CDK5RAP2: variants seen among roughly 807,000 people sequenced by gnomAD.
CDK5RAP2 encodes CDK5 regulatory subunit associated protein 2, also known as CDK5 regulatory subunit-associated protein 2.
Under a neutral mutation model 232.9 loss-of-function variants are expected in CDK5RAP2, and 147 were observed. The observed-to-expected ratio is 0.63, with a 90% CI of 0.55 to 0.72. The LOEUF is 0.72. Ranked by LOEUF, CDK5RAP2 falls within the 30% of genes least tolerant of loss-of-function variation. The pLI, the probability that CDK5RAP2 is intolerant of heterozygous loss-of-function variation, is 0.00. For missense variants in CDK5RAP2, 2,195 were observed against 2,231.5 expected, an observed-to-expected ratio of 0.98 and a Z score of 0.33; for synonymous variants, 833 against 833.7, an observed-to-expected ratio of 1.00 and a Z score of 0.01.
rs1031968690 is a variant in CDK5RAP2 at position 120,514,299 on chromosome 9, C to T, written c.1311+4128G>A. The stretch of plus-strand genomic sequence containing the variant: ...CCCAGTGCCCTGAAACAAAATACCA[C>T]TTTTTCTGGGTACCCGCTCATCCCC... On this transcript the variant is annotated intron_variant, in intron 12 of 37. Transcript: ENST00000349780. 2.0e-5 allele frequency among the ~76,000 whole-genome samples: 3 copies of T among 152,106 alleles called. No homozygotes were observed. The East Asian group carries it at 5.8e-4, about 29-fold the overall frequency.
intron 21 of CDK5RAP2, among the ~76,000 whole-genome samples, chr9:120,452,354 G>C (rs550769719): frequency 6.6e-6 from 1 of 151,290 alleles, no homozygotes; most frequent in South Asian, 2.1e-4. Flanking sequence ...AAGCAATTTT[G>C]CTAATGATAT....
intron 3 of CDK5RAP2, among the ~76,000 whole-genome samples, chr9:120,565,307 C>A (rs902053360): frequency 1.3e-5 from 2 of 152,124 alleles, no homozygotes; most frequent in African/African-American, 4.8e-5. Flanking sequence ...GCCCTTAGCT[C>A]CACATTCCTC....
chr9:120,415,973 C>A (rs974666490), intron 27 of CDK5RAP2, among the ~76,000 whole-genome samples: 2 of 151,908 alleles, frequency 1.3e-5, no homozygotes, highest in African/African-American at 2.4e-5. Flanking sequence ...GACTATATAT[C>A]ATAAAAAATA....
chr9:120,513,021 T>C (rs1463005878), intron 12 of CDK5RAP2, among the ~76,000 whole-genome samples: 3 of 152,184 alleles, frequency 2.0e-5, no homozygotes, highest in African/African-American at 4.8e-5. Flanking sequence ...ACGTTTTCTT[T>C]ATCCTACCTG....
intron 31 of CDK5RAP2, 163 bp downstream of exon 31, chr9:120,408,184 C>A (rs1361126012): frequency 3.6e-6 from 3 of 832,674 alleles, no homozygotes; most frequent in Non-Finnish European, 6.1e-6. Flanking sequence ...GCTGTTCCTT[C>A]AGAAGAAGAG....
chr9:120,446,206 A>G (rs1162981067), intron 22 of CDK5RAP2, among the ~76,000 whole-genome samples: 1 of 152,172 alleles, frequency 6.6e-6, no homozygotes, highest in East Asian at 1.9e-4. Flanking sequence ...TTTTATTTCC[A>G]AAAACAGGAA....
At chr9:120,495,738 A>G (rs1439404208) in intron 12 of CDK5RAP2, among the ~76,000 whole-genome samples, 27 of 64,120 alleles carry the variant, frequency 4.2e-4, no homozygotes, top group African/African-American at 1.4e-3. Flanking sequence ...CAGCCGTGCC[A>G]TCCGGGAGGG....
In CDK5RAP2 at chr9:120,402,815, C is replaced by T. The variant is rs768628011; in HGVS notation, c.5298G>A (p.Leu1766=). The T allele has an allele frequency of 6.2e-7, 1 of 1,613,990 alleles. No individual in the cohort carries two copies. The highest frequency in any genetic ancestry group is 1.7e-5 in the Admixed American group (1 of 60,010). The change falls in exon 34 of 38, where the codon CTG becomes CTA. Residue 1766 remains leucine, a synonymous_variant. Transcript: ENST00000349780. ...TCTGTGGTCAGGTTACCTTTGTTCC[C>T]AGCTCTTGACTTGTGGAGCTGGGAG... ...QEAPSSTSQE[L]GTKGPHPAPL...
At chr9:120,550,606 T>A (rs760683428) in intron 4 of CDK5RAP2, among the ~76,000 whole-genome samples, 186 bp downstream of exon 4, 3 of 152,244 alleles carry the variant, frequency 2.0e-5, no homozygotes, top group African/African-American at 7.2e-5. Flanking sequence ...TTCTTAAAAT[T>A]AATCATGTAC....
chr9:120,391,198 AGAT>A (rs2031938288), intron 36 of CDK5RAP2, among the ~76,000 whole-genome samples: 1 of 152,174 alleles, frequency 6.6e-6, no homozygotes, highest in South Asian at 2.1e-4. Flanking sequence ...TGGAGGTTGA[AGAT>A]GATTGTGAAA....
intron 18 of CDK5RAP2, 200 bp from the exon 19 acceptor site, chr9:120,460,867 T>C: frequency 1.3e-6 from 1 of 781,204 alleles, no homozygotes; most frequent in Non-Finnish European, 2.0e-6. Flanking sequence ...CAGACACAGC[T>C]GCCTGGATCA....
At chr9:120,389,913 G>A in intron 36 of CDK5RAP2, 126 bp from the exon 37 acceptor site, 2 of 814,732 alleles carry the variant, frequency 2.5e-6, no homozygotes, top group Non-Finnish European at 4.2e-6. Flanking sequence ...CACGAGGTCT[G>A]AAGCATCCAG....
rs749823499 is a variant in CDK5RAP2 at position 120,415,063 on chromosome 9, C to G, written c.4274G>C (p.Arg1425Pro). 2 of 1,614,148 alleles carry G rather than the reference C, an allele frequency of 1.2e-6. No individual in the cohort carries two copies. The highest frequency in any genetic ancestry group is 2.2e-5 in the South Asian group (2 of 91,080). Residue 1425 changes from arginine to proline, a missense_variant, in exon 28 of 38, where the codon CGG becomes CCG. Transcript: ENST00000349780. ...TNEKLRKQLE[R>P]QGSEFVQGST... ...ACCTTGAACAAATTCAGATCCTTGC[C>G]GTTCCAACTGTTTCCGTAGCTTCTC...
At chr9:120,544,282 G>A (rs140855171) in intron 5 of CDK5RAP2, among the ~76,000 whole-genome samples, 2 of 152,254 alleles carry the variant, frequency 1.3e-5, no homozygotes, top group East Asian at 3.9e-4. Context: ...TAGCAGGCAG[G>A]GCACTGAGTA....
intron 25 of CDK5RAP2, among the ~76,000 whole-genome samples, chr9:120,426,263 T>C (rs1410944011): frequency 1.3e-5 from 2 of 152,192 alleles, no homozygotes; most frequent in Admixed American, 1.3e-4. Flanking sequence ...TTATGGATCA[T>C]GACAGGTGAC....
At chr9:120,526,086 AG>A (rs1157350378) in intron 10 of CDK5RAP2, among the ~76,000 whole-genome samples, 1 of 152,216 alleles carries the variant, frequency 6.6e-6, no homozygotes, top group African/African-American at 2.4e-5. Flanking sequence ...TGTCCTCTGC[AG>A]TCCCATCATC....
chr9:120,533,596 C>T (rs575643787), intron 7 of CDK5RAP2, among the ~76,000 whole-genome samples: 1 of 151,948 alleles, frequency 6.6e-6, no homozygotes, highest in African/African-American at 2.4e-5. Flanking sequence ...GTGTTCAAGA[C>T]CAGCCTGGCC....
At chr9:120,492,333 A>AGT (rs2038950978) in intron 12 of CDK5RAP2, among the ~76,000 whole-genome samples, 1 of 152,130 alleles carries the variant, frequency 6.6e-6, no homozygotes, top group Non-Finnish European at 1.5e-5. Context: ...TATTTTGTTA[A>AGT]GTGTGTGTGG....
intron 21 of CDK5RAP2, among the ~76,000 whole-genome samples, chr9:120,453,031 GT>G (rs762331406): frequency 1.4e-4 from 21 of 152,304 alleles, no homozygotes; most frequent in Admixed American, 3.3e-4. Context: ...AAAAGCAAAT[GT>G]TCATCAATAC....
Sources: allele counts gnomAD v4.1 joint callset (sites outside exome capture counted in the v4.1 genomes callset), GRCh38; gene constraint gnomAD v4.1.1; transcripts MANE v1.5; gene names NCBI Gene and HGNC (gene_info 2026-07-23, HGNC 2026-07-21).